DIS3L2: variants seen among roughly 807,000 people sequenced by gnomAD.
The protein encoded by DIS3L2 is DIS3 like 3'-5' exoribonuclease 2, also known as DIS3-like exonuclease 2.
In DIS3L2, 34 loss-of-function variants were observed where a neutral mutation model predicts 97.5. The observed-to-expected ratio is 0.35, with a 90% CI of 0.27 to 0.46. DIS3L2 has a LOEUF of 0.46. DIS3L2 is among the 20% of genes least tolerant of loss of function. The probability of loss-of-function intolerance (pLI) is 1.00; values close to 1 mark genes in which losing one functional copy is unlikely to be tolerated. For synonymous variants in DIS3L2, 435 were observed against 445.2 expected, an observed-to-expected ratio of 0.98 and a Z score of 0.29; for missense variants, 1,038 against 1,146.0, an observed-to-expected ratio of 0.91 and a Z score of 1.36.
intron 9 of DIS3L2, among the ~76,000 whole-genome samples, chr2:232,201,773 C>A (rs1287856946): frequency 1.3e-5 from 2 of 152,076 alleles, no homozygotes; most frequent in South Asian, 2.1e-4. Context: ...CTGTGACATA[C>A]TTCTTGGTAA....
chr2:232,166,364 G>A (rs975963951), intron 9 of DIS3L2, among the ~76,000 whole-genome samples: 1 of 152,170 alleles, frequency 6.6e-6, no homozygotes, highest in Non-Finnish European at 1.5e-5. Flanking sequence ...CCTGTGAAAG[G>A]ATCCAAAGAC....
chr2:231,969,451 C>T (rs543610229), intron 1 of DIS3L2, among the ~76,000 whole-genome samples: 7 of 151,896 alleles, frequency 4.6e-5, no homozygotes, highest in Admixed American at 4.6e-4. Context: ...GCTGGGATTA[C>T]AGGTGTGTGC....
chr2:232,002,961 G>C (rs1449638496), intron 1 of DIS3L2, among the ~76,000 whole-genome samples: 1 of 152,208 alleles, frequency 6.6e-6, no homozygotes, highest in Non-Finnish European at 1.5e-5. Context: ...GAACATTTCT[G>C]TGTGGTGAAA....
At chr2:232,089,073 G>A (rs549229408) in intron 6 of DIS3L2, among the ~76,000 whole-genome samples, 1 of 152,318 alleles carries the variant, frequency 6.6e-6, no homozygotes, top group Admixed American at 6.5e-5. Context: ...TCCCCCCAGC[G>A]TAAAGAAAGC....
At chr2:231,981,901 G>A (rs1480152236) in intron 1 of DIS3L2, among the ~76,000 whole-genome samples, 1 of 151,268 alleles carries the variant, frequency 6.6e-6, no homozygotes, top group Non-Finnish European at 1.5e-5. Context: ...GGGCATCATG[G>A]TGCGTGCCTG....
At chr2:232,060,424 T>C (rs954747450) in intron 5 of DIS3L2, among the ~76,000 whole-genome samples, 9 of 152,166 alleles carry the variant, frequency 5.9e-5, no homozygotes, top group African/African-American at 2.2e-4. Flanking sequence ...TGGCAAAAGA[T>C]TGGGCTCTAA....
intron 20 of DIS3L2, 84 bp from the exon 21 acceptor site, chr2:232,336,385 G>T: frequency 6.4e-7 from 1 of 1,551,172 alleles, no homozygotes; most frequent in Non-Finnish European, 8.7e-7. Context: ...GGGGCCAGGG[G>T]TCCTGCTGCA....
chr2:232,116,457 C>T (rs574876909), intron 6 of DIS3L2, among the ~76,000 whole-genome samples: 1 of 152,284 alleles, frequency 6.6e-6, no homozygotes, highest in South Asian at 2.1e-4. Flanking sequence ...ATTATCCTTG[C>T]CTACAAGTTC....
intron 9 of DIS3L2, among the ~76,000 whole-genome samples, chr2:232,168,731 A>G (rs571670093): frequency 1.4e-4 from 22 of 152,290 alleles, no homozygotes; most frequent in Middle Eastern, 3.4e-3. Context: ...TCATGTAGTT[A>G]TGTAGTGTCA....
intron 9 of DIS3L2, among the ~76,000 whole-genome samples, chr2:232,209,616 A>G (rs556006239): frequency 2.0e-5 from 3 of 152,300 alleles, no homozygotes; most frequent in East Asian, 3.9e-4. Flanking sequence ...GGCTGGAGGT[A>G]TGGAGAGCCA....
chr2:232,202,113 T>C (rs1188519289), intron 9 of DIS3L2, among the ~76,000 whole-genome samples: 3 of 152,072 alleles, frequency 2.0e-5, no homozygotes, highest in South Asian at 2.1e-4. Flanking sequence ...TTTTTTAAAG[T>C]ATAAAAAGAG....
chr2:232,212,475 C>G (rs1692218978), intron 10 of DIS3L2, among the ~76,000 whole-genome samples: 6 of 152,224 alleles, frequency 3.9e-5, no homozygotes, highest in Admixed American at 3.9e-4. Context: ...GGCACATGTC[C>G]TGCCGTACTC....
intron 14 of DIS3L2, chr2:232,307,874 A>C (rs987594727): frequency 6.6e-6 from 1 of 152,290 alleles, no homozygotes; most frequent in African/African-American, 2.4e-5. Flanking sequence ...CTCACCTGCC[A>C]AGGCCACAGA....
intron 6 of DIS3L2, among the ~76,000 whole-genome samples, chr2:232,098,844 T>TTAATA (rs1697110466): frequency 6.6e-6 from 1 of 152,206 alleles, no homozygotes; most frequent in Non-Finnish European, 1.5e-5. Context: ...ATTTGTCTAT[T>TTAATA]AACTTTGTGT....
At chr2:231,984,577 T>C (rs550271440) in intron 1 of DIS3L2, among the ~76,000 whole-genome samples, 1 of 151,742 alleles carries the variant, frequency 6.6e-6, no homozygotes, top group South Asian at 2.1e-4. Context: ...GTATTTTTAG[T>C]AGAGACGGGG....
At chr2:232,328,343 G>A (rs1230712976) in intron 14 of DIS3L2, among the ~76,000 whole-genome samples, 3 of 152,236 alleles carry the variant, frequency 2.0e-5, no homozygotes, top group Non-Finnish European at 4.4e-5. Flanking sequence ...GGTGGTGCCT[G>A]CCCTCCTGGG....
chr2:232,338,110 G>A (rs1292280311), downstream of DIS3L2, among the ~76,000 whole-genome samples: 4 of 152,004 alleles, frequency 2.6e-5, no homozygotes, highest in Non-Finnish European at 5.9e-5. Flanking sequence ...CCCAGCCCAG[G>A]CAGCCTGACT....
chr2:232,160,692 C>T (rs1051969284), intron 8 of DIS3L2, among the ~76,000 whole-genome samples: 8 of 151,874 alleles, frequency 5.3e-5, no homozygotes, highest in African/African-American at 1.9e-4. Flanking sequence ...GCCTGGGCGA[C>T]GTGGCAAAAC....
At chr2:232,028,290 CAA>C (rs1393208026) in intron 4 of DIS3L2, among the ~76,000 whole-genome samples, 1 of 152,054 alleles carries the variant, frequency 6.6e-6, no homozygotes, top group African/African-American at 2.4e-5. Context: ...GGCATTCAAA[CAA>C]AGAGCTGAAA....
Sources: gnomAD v4.1 joint callset for allele counts (sites outside exome capture counted in the v4.1 genomes callset) on GRCh38, gnomAD v4.1.1 for gene constraint, MANE v1.5 for transcripts, NCBI Gene and HGNC (gene_info 2026-07-23, HGNC 2026-07-21) for gene names.